Variants in ADAMTS17 observed in about 807,000 individuals in gnomAD.
ADAMTS17 encodes the protein ADAM metallopeptidase with thrombospondin type 1 motif 17.
In ADAMTS17, 113 loss-of-function variants were observed where a neutral mutation model predicts 141.5. That is an observed-to-expected ratio of 0.80 (90% CI 0.69 to 0.93). The LOEUF (loss-of-function observed/expected upper bound fraction) is 0.93, where lower values mean the gene tolerates loss of function less well. ADAMTS17 is among the 40% of genes least tolerant of loss of function. The pLI is 0.00. For missense variants in ADAMTS17, 1,659 were observed against 1,517.9 expected (o/e 1.09, Z -1.54); for synonymous variants, 768 against 630.6 (o/e 1.22, Z -3.27).
Position 100,210,230 on chromosome 15 carries a change from C to CAA in ADAMTS17, c.1076-10809_1076-10808dup, listed in dbSNP as rs34086690. Reference sequence around the variant, plus strand: ...TGGGAGACAAAGCGAGACTCCATCTCAAAAAAAAAAAAAAAAAAAAAAAAA... The same window carrying CAA: ...TGGGAGACAAAGCGAGACTCCATCTCAAAAAAAAAAAAAAAAAAAAAAAAAAA... On this transcript the variant is annotated intron_variant, in intron 7 of 21. Transcript: ENST00000268070. Among the ~76,000 whole-genome samples the CAA allele has an allele frequency of 4.1e-3, 128 of 31,212 alleles. 13 individuals carry two copies. The highest frequency in any genetic ancestry group is 7.8e-3 in the South Asian group (4 of 514). 20.5% of individuals were successfully genotyped at this position (31,212 alleles called of 152,430 possible). A position where few individuals can be genotyped will look rare whatever the true frequency, so the allele number is the denominator to read the frequency against.
At chr15:100,313,556 A>G (rs1474088358) in intron 3 of ADAMTS17, among the ~76,000 whole-genome samples, 1 of 152,244 alleles carries the variant, frequency 6.6e-6, no homozygotes, top group Non-Finnish European at 1.5e-5. Context: ...ATGAATATTC[A>G]TGAGGTAAAA....
chr15:100,034,361 C>T (rs1057255041), intron 18 of ADAMTS17, among the ~76,000 whole-genome samples: 1 of 152,240 alleles, frequency 6.6e-6, no homozygotes, highest in African/African-American at 2.4e-5. Context: ...AATCTTGGCA[C>T]AGGCCGTGCT....
At chr15:100,159,172 C>T (rs548682686) in intron 8 of ADAMTS17, among the ~76,000 whole-genome samples, 21 of 152,312 alleles carry the variant, frequency 1.4e-4, no homozygotes, top group African/African-American at 4.1e-4. Flanking sequence ...ATCACTCCCA[C>T]GTTCAGTTAC....
intron 7 of ADAMTS17, among the ~76,000 whole-genome samples, chr15:100,217,443 C>CA (rs1162539436): frequency 2.6e-5 from 4 of 152,076 alleles, no homozygotes; most frequent in African/African-American, 9.6e-5. Flanking sequence ...ACTAAAAATA[C>CA]AAAAAATTAG....
At chr15:100,203,015 T>A (rs999278686) in intron 7 of ADAMTS17, among the ~76,000 whole-genome samples, 5 of 152,206 alleles carry the variant, frequency 3.3e-5, no homozygotes, top group Non-Finnish European at 7.3e-5. Context: ...CATGTTTGCA[T>A]AGTTTCTCGT....
chr15:100,103,282 C>T (rs532727953), intron 14 of ADAMTS17, among the ~76,000 whole-genome samples: 2 of 152,342 alleles, frequency 1.3e-5, no homozygotes, highest in African/African-American at 4.8e-5. Context: ...GGTCACGGTG[C>T]AGGGAAGGGC....
At chr15:100,262,108 G>A (rs548606280) in intron 5 of ADAMTS17, among the ~76,000 whole-genome samples, 6 of 152,248 alleles carry the variant, frequency 3.9e-5, no homozygotes, top group East Asian at 1.9e-4. Context: ...GACTCCATCC[G>A]AGACCCTCCG....
At chr15:100,186,126 A>G (rs78263677) in intron 8 of ADAMTS17, among the ~76,000 whole-genome samples, 17,095 of 152,190 alleles carry the variant, frequency 0.11, 1,188 homozygotes, top group East Asian at 0.29. Context: ...AATGAGTAAC[A>G]TCAATGAAGT....
intron 7 of ADAMTS17, among the ~76,000 whole-genome samples, chr15:100,248,531 C>G (rs2043055853): frequency 6.6e-6 from 1 of 152,210 alleles, no homozygotes; most frequent in Non-Finnish European, 1.5e-5. Flanking sequence ...ACCTATGTCA[C>G]AACAGTGGCT....
chr15:100,314,836 T>C (rs2045511636), intron 3 of ADAMTS17, among the ~76,000 whole-genome samples: 2 of 151,938 alleles, frequency 1.3e-5, no homozygotes, highest in South Asian at 4.2e-4. Context: ...GTGGGACTGC[T>C]CCCAGCTGGA....
intron 15 of ADAMTS17, among the ~76,000 whole-genome samples, chr15:100,093,994 T>A (rs575391604): frequency 6.6e-6 from 1 of 151,890 alleles, no homozygotes; most frequent in East Asian, 1.9e-4. Flanking sequence ...CAGTGACTCA[T>A]TCTTGTGCAA....
chr15:100,241,602 C>A (rs1262452787), intron 7 of ADAMTS17, among the ~76,000 whole-genome samples: 1 of 152,210 alleles, frequency 6.6e-6, no homozygotes, highest in Non-Finnish European at 1.5e-5. Flanking sequence ...GGAGAAAGAG[C>A]CCCTAGGTGC....
At chr15:100,283,841 C>T (rs1001117055) in intron 3 of ADAMTS17, among the ~76,000 whole-genome samples, 1 of 152,172 alleles carries the variant, frequency 6.6e-6, no homozygotes, top group African/African-American at 2.4e-5. Context: ...TACAGTGGCT[C>T]ACGCCTGTAA....
intron 18 of ADAMTS17, among the ~76,000 whole-genome samples, chr15:100,009,320 C>T (rs2061109374): frequency 6.6e-6 from 1 of 152,110 alleles, no homozygotes; most frequent in African/African-American, 2.4e-5. Context: ...AGTTCAGGGG[C>T]TTTCTTTTTT....
rs373681085 is a variant in ADAMTS17 at position 100,039,322 on chromosome 15, A to G, written c.2591+9535T>C. 3.3e-5 allele frequency among the ~76,000 whole-genome samples: 5 copies of G among 152,194 alleles called. No individual in the cohort carries two copies. In the East Asian group the frequency reaches 9.7e-4, roughly 29 times the overall value. Reference sequence around the variant, plus strand: ...TTGCTCCTCTTTCCAGTATCATTACATGGAAGGTTAGTTTACTGATTTGAA... The same window carrying G: ...TTGCTCCTCTTTCCAGTATCATTACGTGGAAGGTTAGTTTACTGATTTGAA... On this transcript the variant is annotated intron_variant, in intron 18 of 21. Transcript: ENST00000268070.
chr15:100,205,081 C>T (rs1567348694), intron 7 of ADAMTS17, among the ~76,000 whole-genome samples: 1 of 152,072 alleles, frequency 6.6e-6, no homozygotes, highest in South Asian at 2.1e-4. Flanking sequence ...GGCCTTGCTC[C>T]CTAGGGTTAA....
At chr15:100,263,705 G>T (rs2043610308) in intron 4 of ADAMTS17, among the ~76,000 whole-genome samples, 1 of 152,230 alleles carries the variant, frequency 6.6e-6, no homozygotes, top group Non-Finnish European at 1.5e-5. Context: ...CATAGTAAAG[G>T]TAGTGGCAGA....
intron 12 of ADAMTS17, chr15:100,128,896 G>A (rs902397488): frequency 6.6e-6 from 1 of 152,194 alleles, no homozygotes; most frequent in Non-Finnish European, 1.5e-5. Flanking sequence ...AAGACATGAA[G>A]GCAAAAAGCT....
intron 3 of ADAMTS17, among the ~76,000 whole-genome samples, chr15:100,320,529 C>A (rs12905788): frequency 6.6e-6 from 1 of 152,008 alleles, no homozygotes; most frequent in Non-Finnish European, 1.5e-5. Flanking sequence ...TTGGATAAAT[C>A]GTCACTAAGA....
Sources: gnomAD v4.1 joint callset for allele counts (sites outside exome capture counted in the v4.1 genomes callset) on GRCh38, gnomAD v4.1.1 for gene constraint, MANE v1.5 for transcripts, NCBI Gene and HGNC (gene_info 2026-07-23, HGNC 2026-07-21) for gene names.